STAP1: variants seen among roughly 807,000 people sequenced by gnomAD.
The protein encoded by STAP1 is signal transducing adaptor family member 1, also known as signal-transducing adaptor protein 1.
In STAP1, 30 loss-of-function variants were observed where a neutral mutation model predicts 37.8. That is an observed-to-expected ratio of 0.79 (90% CI 0.59 to 1.08). The LOEUF is 1.08. Among genes scored for constraint, STAP1 ranks in the 50% least tolerant of loss-of-function variants. The pLI, the probability that STAP1 is intolerant of heterozygous loss-of-function variation, is 0.00. For synonymous variants in STAP1, 130 were observed against 116.0 expected (o/e 1.12, Z -0.78); for missense variants, 357 against 349.4 (o/e 1.02, Z -0.17).
intron 5 of STAP1, among the ~76,000 whole-genome samples, chr4:67,582,047 A>G (rs568202491): frequency 3.9e-5 from 6 of 152,268 alleles, no homozygotes; most frequent in South Asian, 2.1e-4. Flanking sequence ...GGTGTTGTCA[A>G]TAAAACTTGT....
chr4:67,582,932 C>T (rs1023113239), intron 5 of STAP1, among the ~76,000 whole-genome samples: 6 of 152,148 alleles, frequency 3.9e-5, no homozygotes, highest in Non-Finnish European at 8.8e-5. Flanking sequence ...CTAGGCTAAG[C>T]TATGATGTTC....
chr4:67,570,446 G>C (rs1424503966), intron 1 of STAP1, among the ~76,000 whole-genome samples: 3 of 152,090 alleles, frequency 2.0e-5, no homozygotes, highest in Non-Finnish European at 2.9e-5. Flanking sequence ...TCCACCAAAA[G>C]ATCTTTTTGT....
chr4:67,585,219 A>T (rs1436943193), intron 6 of STAP1, among the ~76,000 whole-genome samples: 2 of 152,184 alleles, frequency 1.3e-5, no homozygotes, highest in Admixed American at 6.5e-5. Flanking sequence ...GCTATTCCTT[A>T]TGGGGATAAT....
chr4:67,593,148 G>T, intron 7 of STAP1, 112 bp from the exon 8 acceptor site: 1 of 684,668 alleles, frequency 1.5e-6, no homozygotes, highest in Non-Finnish European at 2.5e-6. Context: ...CATACAGTAA[G>T]CCATTGAAGT....
intron 8 of STAP1, among the ~76,000 whole-genome samples, chr4:67,598,878 A>G (rs867696185): frequency 2.0e-5 from 3 of 152,160 alleles, no homozygotes; most frequent in South Asian, 2.1e-4. Flanking sequence ...AGTTTTCCCA[A>G]TGTTTTCTTG....
chr4:67,602,060 G>T (rs1441518014), intron 8 of STAP1, among the ~76,000 whole-genome samples: 1 of 151,122 alleles, frequency 6.6e-6, no homozygotes, highest in Non-Finnish European at 1.5e-5. Flanking sequence ...TGTCTCCTCT[G>T]TGCATCTTCA....
chr4:67,588,054 A>G, intron 6 of STAP1, among the ~76,000 whole-genome samples: 1 of 150,808 alleles, frequency 6.6e-6, no homozygotes, highest in South Asian at 2.1e-4. Context: ...AAAAAAAAAA[A>G]AAAAAAAAAA....
In STAP1 at chr4:67,565,934, C is replaced by CTT. The variant is rs60607477; in HGVS notation, c.121-5121_121-5120dup. The stretch of plus-strand genomic sequence containing the variant: ...TTCTCTTCCCCCCTCAACCCAACTG[C>CTT]TTTTTTTTTTTTTTTTTTTTTTTTT... On this transcript the variant is annotated intron_variant, in intron 1 of 8. Coordinates refer to ENST00000265404, the MANE Select transcript of STAP1 (RefSeq NM_012108.4). Among the ~76,000 whole-genome samples the CTT allele has an allele frequency of 4.5e-4, 27 of 59,450 alleles. 3 individuals carry two copies. The highest frequency in any genetic ancestry group is 1.2e-3 in the African/African-American group (20 of 17,152). 39.0% of individuals were successfully genotyped at this position (59,450 alleles called of 152,430 possible).
At chr4:67,580,752 C>T (rs1727834974) in intron 4 of STAP1, among the ~76,000 whole-genome samples, 1 of 152,176 alleles carries the variant, frequency 6.6e-6, no homozygotes, top group Admixed American at 6.5e-5. Flanking sequence ...CACCACAAAA[C>T]CAACTAATAA....
chr4:67,593,472 T>C lies in STAP1; in HGVS notation c.826+116T>C, dbSNP rs372166920. ...CAGGCAGGAACTGTAGTTCAGTCTT[T>C]AAATTTATCCATTTGGAAATCATTT... On this transcript the variant is annotated intron_variant, in intron 8 of 8. Transcript: ENST00000265404. 1,013 of 697,168 alleles carry C rather than the reference T, an allele frequency of 1.5e-3. 9 individuals carry two copies. The highest frequency in any genetic ancestry group is 0.013 in the Middle Eastern group (50 of 3,958). 43.2% of individuals were successfully genotyped at this position (697,168 alleles called of 1,614,324 possible).
chr4:67,588,732 C>T (rs1728054784), intron 6 of STAP1, among the ~76,000 whole-genome samples: 1 of 152,070 alleles, frequency 6.6e-6, no homozygotes, highest in Non-Finnish European at 1.5e-5. Flanking sequence ...TTAAAAACAA[C>T]AACAATCGTT....
At chr4:67,583,135 G>A (rs573017023) in intron 5 of STAP1, among the ~76,000 whole-genome samples, 19 of 152,218 alleles carry the variant, frequency 1.2e-4, no homozygotes, top group African/African-American at 4.1e-4. Context: ...AAATAAATGA[G>A]TGCAAACATA....
chr4:67,590,779 C>G, intron 6 of STAP1, 105 bp from the exon 7 acceptor site: 1 of 306,548 alleles, frequency 3.3e-6, no homozygotes. Flanking sequence ...AAACTATAGT[C>G]ATGACAACAT....
chr4:67,560,746 G>A (rs561108342), intron 1 of STAP1, among the ~76,000 whole-genome samples: 4 of 151,594 alleles, frequency 2.6e-5, no homozygotes, highest in Non-Finnish European at 4.4e-5. Flanking sequence ...TGACATCCCC[G>A]GCTCCGGTGA....
chr4:67,562,688 C>G (rs995464206), intron 1 of STAP1, among the ~76,000 whole-genome samples: 4 of 151,442 alleles, frequency 2.6e-5, no homozygotes, highest in Non-Finnish European at 5.9e-5. Flanking sequence ...AGGAGAATGG[C>G]GTGAACCCAG....
At chr4:67,597,094 A>C (rs1327459957) in intron 8 of STAP1, among the ~76,000 whole-genome samples, 3 of 152,138 alleles carry the variant, frequency 2.0e-5, no homozygotes, top group Non-Finnish European at 4.4e-5. Flanking sequence ...AGGGAAAAAT[A>C]GTTTTGTGGG....
At position 67,581,409 on chromosome 4, in the gene STAP1, G is replaced by C. The variant is rs747889951; in HGVS notation, c.468G>C (p.Thr156=). ...GGAGGATTGAGACAGAGCAGAGTAC[G>C]TCCGTGGAAAAAGAGAAGGAACCAA... ...KKRRIETEQS[T]SVEKEKEPTE... is the part of the protein sequence containing the mutation. The change falls in exon 5 of 9, where the codon ACG becomes ACC. Residue 156 remains threonine, a synonymous_variant. Coordinates refer to ENST00000265404, the MANE Select transcript of STAP1 (RefSeq NM_012108.4). 1 of 1,613,914 alleles carries C rather than the reference G, an allele frequency of 6.2e-7. No homozygotes were observed.
intron 1 of STAP1, 69 bp from the exon 2 acceptor site, chr4:67,571,015 G>C: frequency 1.6e-6 from 2 of 1,266,758 alleles, no homozygotes; most frequent in Admixed American, 1.8e-5. Flanking sequence ...AAGTTACAAA[G>C]GATAATATTA....
intron 6 of STAP1, among the ~76,000 whole-genome samples, chr4:67,590,288 A>G (rs1728091835): frequency 6.6e-6 from 1 of 152,204 alleles, no homozygotes; most frequent in Non-Finnish European, 1.5e-5. Context: ...AATACGATTC[A>G]TGTAATGTAC....
Sources: allele counts gnomAD v4.1 joint callset (sites outside exome capture counted in the v4.1 genomes callset), GRCh38; gene constraint gnomAD v4.1.1; transcripts MANE v1.5; gene names NCBI Gene and HGNC (gene_info 2026-07-23, HGNC 2026-07-21).